Variants in PTPN13 observed in about 807,000 individuals in gnomAD.
The protein encoded by PTPN13 is protein tyrosine phosphatase non-receptor type 13.
PTPN13 carries 191 observed loss-of-function variants against 284.0 expected under a neutral mutation model. The ratio of observed to expected loss-of-function variants is 0.67; its 90% CI spans 0.60 to 0.76. PTPN13 has a LOEUF of 0.76. Ranked by LOEUF, PTPN13 falls within the 30% of genes least tolerant of loss-of-function variation. The probability of loss-of-function intolerance (pLI) is 0.00; values close to 1 mark genes in which losing one functional copy is unlikely to be tolerated. For synonymous variants in PTPN13, 986 were observed against 1,022.3 expected (o/e 0.96, Z 0.68); for missense variants, 2,797 against 2,939.9 (o/e 0.95, Z 1.12).
intron 1 of PTPN13, among the ~76,000 whole-genome samples, chr4:86,626,024 A>G (rs1397435148): frequency 2.0e-5 from 3 of 152,196 alleles, no homozygotes; most frequent in Non-Finnish European, 1.5e-5. Context: ...TAGAAAGACA[A>G]TACTCAACAT....
rs1448615890 is a variant in PTPN13, at chr4:86,762,901, G to T, written c.3728G>T (p.Ser1243Ile). Residue 1243 changes from serine (S) to isoleucine (I), a missense_variant, in exon 24 of 48, where the codon AGC becomes ATC. Transcript: ENST00000411767. ...FGPSGGLREG[S>I]LSSQDSRTES... ...CCATCTGGGGGCCTGCGGGAAGGAA[G>T]CCTGAGTTCTCAAGATTCCAGGACT... is the stretch of plus-strand genomic sequence containing the variant. 1.9e-6 allele frequency: 3 copies of T among 1,613,796 alleles called. No individual in the cohort carries two copies. The African/African-American group carries it at 4.0e-5, about 22-fold the overall frequency.
intron 1 of PTPN13, among the ~76,000 whole-genome samples, chr4:86,628,412 G>T (rs556996495): frequency 2.0e-5 from 3 of 150,938 alleles, no homozygotes; most frequent in Non-Finnish European, 4.4e-5. Context: ...GGATTGTTTG[G>T]TTTTTTAATT....
intron 10 of PTPN13, among the ~76,000 whole-genome samples, chr4:86,724,982 A>T (rs1177922417): frequency 4.2e-5 from 1 of 23,738 alleles, no homozygotes; most frequent in South Asian, 1.2e-3. Context: ...CCCACCCCCC[A>T]ACAGAACTTG....
intron 2 of PTPN13, among the ~76,000 whole-genome samples, chr4:86,667,110 T>A (rs1388088416): frequency 6.6e-6 from 1 of 152,220 alleles, no homozygotes; most frequent in Non-Finnish European, 1.5e-5. Flanking sequence ...TAATTCTTTT[T>A]AAACTCCTAT....
chr4:86,663,455 C>T (rs1726742534), intron 2 of PTPN13, among the ~76,000 whole-genome samples: 1 of 152,172 alleles, frequency 6.6e-6, no homozygotes, highest in African/African-American at 2.4e-5. Context: ...CCTGTGTCTT[C>T]AGAGATGAGG....
At chr4:86,700,534 G>T (rs2149003619) in intron 6 of PTPN13, among the ~76,000 whole-genome samples, 2 of 152,012 alleles carry the variant, frequency 1.3e-5, no homozygotes, top group African/African-American at 2.4e-5. Context: ...AATAAGAGTT[G>T]GTACTTTATT....
At chr4:86,685,780 C>G (rs1015861129) in intron 3 of PTPN13, among the ~76,000 whole-genome samples, 1 of 152,146 alleles carries the variant, frequency 6.6e-6, no homozygotes, top group African/African-American at 2.4e-5. Context: ...GGTAGAAATA[C>G]AAAATGGTAC....
intron 1 of PTPN13, among the ~76,000 whole-genome samples, chr4:86,598,624 C>T (rs1041817584): frequency 2.6e-5 from 4 of 152,132 alleles, no homozygotes; most frequent in African/African-American, 9.7e-5. Context: ...GGTGAAAAGG[C>T]CCTCTTTACC....
intron 1 of PTPN13, among the ~76,000 whole-genome samples, chr4:86,612,908 T>C (rs2869445): frequency 1 from 152,076 of 152,140 alleles, 76,007 homozygotes; most frequent in Middle Eastern, 1. Context: ...TGGTTTTTTT[T>C]CCCCAGATAT....
intron 19 of PTPN13, among the ~76,000 whole-genome samples, chr4:86,752,416 T>C (rs778887877): frequency 3.3e-5 from 5 of 152,176 alleles, no homozygotes; most frequent in Admixed American, 6.5e-5. Context: ...CAATTTAATT[T>C]CAGTCAGTTA....
intron 10 of PTPN13, among the ~76,000 whole-genome samples, chr4:86,723,197 T>C (rs1010432601): frequency 1.3e-5 from 2 of 152,206 alleles, no homozygotes; most frequent in Non-Finnish European, 2.9e-5. Context: ...TCAGTTCCAA[T>C]TACTGGACAT....
Position 86,741,802 on chromosome 4 carries a change from A to G in PTPN13, c.2473A>G (p.Lys825Glu). The stretch of plus-strand genomic sequence containing the variant: ...TCGCTTTCCATGGAGGGAAACCAAG[A>G]AAATATCTTTTTCTGTATGTCCATT... ...VLRFPWRETK[K>E]ISFSKKKITL... The change falls in exon 16 of 48, where the codon AAA (lysine) becomes GAA (glutamate). Residue 825 changes from lysine (K) to glutamate (E), a missense_variant. Coordinates refer to ENST00000411767, the MANE Select transcript of PTPN13 (RefSeq NM_080683.3). 6.2e-7 allele frequency: 1 copy of G among 1,600,386 alleles called. No homozygotes were observed. The highest frequency in any genetic ancestry group is 8.5e-7 in the Non-Finnish European group (1 of 1,172,804).
intron 36 of PTPN13, among the ~76,000 whole-genome samples, chr4:86,781,512 A>T (rs1259032437): frequency 6.6e-6 from 1 of 152,184 alleles, no homozygotes; most frequent in Non-Finnish European, 1.5e-5. Flanking sequence ...TTGAATTGAT[A>T]GTCTTTTTGA....
chr4:86,767,986 T>TGG lies in PTPN13; in HGVS notation c.4489+12_4489+13dup, dbSNP rs1343697503. 8.1e-6 allele frequency: 13 copies of TGG among 1,599,476 alleles called. No individual in the cohort carries two copies. The highest frequency in any genetic ancestry group is 1.1e-5 in the Non-Finnish European group (13 of 1,176,036). On this transcript the variant is annotated intron_variant, in intron 28 of 47. Coordinates refer to ENST00000411767, the MANE Select transcript of PTPN13 (RefSeq NM_080683.3). ...AGCTTTGTCACTGAAGGTCAGGCCT[T>TGG]GGGAGACTACAATCTCACCTTTAAA...
chr4:86,735,561 A>G, intron 14 of PTPN13, 33 bp from the exon 15 acceptor site: 1 of 1,597,576 alleles, frequency 6.3e-7, no homozygotes, highest in Non-Finnish European at 8.5e-7. Context: ...ATAAAAGGCA[A>G]ACAATTGCTT....
intron 42 of PTPN13, among the ~76,000 whole-genome samples, chr4:86,802,333 C>T (rs1352881657): frequency 6.6e-6 from 1 of 152,060 alleles, no homozygotes; most frequent in Non-Finnish European, 1.5e-5. Flanking sequence ...AATTGCCTAC[C>T]TATTATGTTG....
At chr4:86,791,522 A>T (rs765544999) in intron 40 of PTPN13, among the ~76,000 whole-genome samples, 14 of 152,150 alleles carry the variant, frequency 9.2e-5, no homozygotes, top group Admixed American at 8.5e-4. Flanking sequence ...TGGCGTTCGA[A>T]CTCTGAGAAT....
chr4:86,669,674 G>A (rs1727516203), intron 2 of PTPN13, among the ~76,000 whole-genome samples: 1 of 152,054 alleles, frequency 6.6e-6, no homozygotes, highest in Admixed American at 6.5e-5. Context: ...CTGTATCCAG[G>A]GATGAAAAGG....
chr4:86,718,097 G>A (rs1733231028), intron 9 of PTPN13, among the ~76,000 whole-genome samples: 1 of 152,158 alleles, frequency 6.6e-6, no homozygotes, highest in Non-Finnish European at 1.5e-5. Context: ...TCTTTGTCGT[G>A]TATGCCCAGG....
Sources: gnomAD v4.1 joint callset for allele counts (sites outside exome capture counted in the v4.1 genomes callset) on GRCh38, gnomAD v4.1.1 for gene constraint, MANE v1.5 for transcripts, NCBI Gene and HGNC (gene_info 2026-07-23, HGNC 2026-07-21) for gene names.